CEP72: variants seen among roughly 807,000 people sequenced by gnomAD.
CEP72 encodes the protein centrosomal protein 72.
CEP72 carries 78 observed loss-of-function variants against 65.7 expected under a neutral mutation model. The observed-to-expected ratio is 1.19, with a 90% CI of 0.99 to 1.43. The LOEUF is 1.43. Ranked by LOEUF, CEP72 falls within the 40% of genes most tolerant of loss-of-function variation. The pLI is 0.00. For synonymous variants in CEP72, 358 were observed against 351.7 expected (o/e 1.02, Z -0.20); for missense variants, 914 against 832.9 (o/e 1.10, Z -1.20).
At chr5:620,005 G>A in intron 2 of CEP72, 64 bp from the exon 3 acceptor site, 2 of 1,378,414 alleles carry the variant, frequency 1.5e-6, no homozygotes, top group Middle Eastern at 3.6e-4. Flanking sequence ...TGTGTTGCTG[G>A]CTTATTTCAC....
intron 1 of CEP72, among the ~76,000 whole-genome samples, chr5:618,709 A>T (rs1220996882): frequency 2.0e-5 from 3 of 152,172 alleles, no homozygotes; most frequent in Non-Finnish European, 2.9e-5. Flanking sequence ...ACTGAACAGG[A>T]TTATTGCGAA....
chr5:668,796 C>G (rs1164010399), downstream of CEP72, among the ~76,000 whole-genome samples: 1 of 152,236 alleles, frequency 6.6e-6, no homozygotes, highest in Non-Finnish European at 1.5e-5. Flanking sequence ...TCAGCAGCGG[C>G]CAGACCACAG....
rs55869296 is a variant in CEP72, at chr5:616,838, G to GCA, written c.83-2152_83-2151insCA. The stretch of plus-strand genomic sequence containing the variant: ...TGTATGTGTGTGTGTGTGTGCGCGC[G>GCA]AGTGGGGGTTTGCTTGCAGGAGGGC... On this transcript the variant is annotated intron_variant, in intron 1 of 11. Coordinates refer to ENST00000264935, the MANE Select transcript of CEP72 (RefSeq NM_018140.4). Among the ~76,000 whole-genome samples, 85 of 151,428 alleles carry GCA rather than the reference G, an allele frequency of 5.6e-4. 1 individual carries two copies. The highest frequency in any genetic ancestry group is 1.7e-3 in the African/African-American group (69 of 41,194).
intron 2 of CEP72, among the ~76,000 whole-genome samples, chr5:619,654 C>T (rs1235606876): frequency 6.6e-6 from 1 of 152,238 alleles, no homozygotes; most frequent in Non-Finnish European, 1.5e-5. Flanking sequence ...TGCTCCAAGT[C>T]AGATGCGGAC....
chr5:648,621 CTG>C (rs1170721211), intron 11 of CEP72, among the ~76,000 whole-genome samples: 1 of 97,088 alleles, frequency 1.0e-5, no homozygotes, highest in East Asian at 3.6e-4. Context: ...GAGGCGTGGA[CTG>C]TGAGGCGTGG....
At chr5:644,088 A>G (rs527770001) in intron 9 of CEP72, 49 of 545,698 alleles carry the variant, frequency 9.0e-5, no homozygotes, top group African/African-American at 7.8e-4. Flanking sequence ...CCCTCTCCTC[A>G]CTTCCCCCCT....
chr5:642,886 T>G, intron 9 of CEP72: 1 of 985,474 alleles, frequency 1.0e-6, no homozygotes, highest in Non-Finnish European at 1.2e-6. Context: ...CATCCCTCGG[T>G]CACATGAACC....
chr5:652,376 T>C (rs951033570), intron 11 of CEP72, among the ~76,000 whole-genome samples: 1 of 152,204 alleles, frequency 6.6e-6, no homozygotes. Flanking sequence ...GTGGCTAATG[T>C]GACCGAGGTC....
intron 2 of CEP72, chr5:663,897 C>T (rs1554020751): frequency 6.6e-6 from 1 of 152,452 alleles, no homozygotes; most frequent in Non-Finnish European, 1.5e-5. Context: ...CGGGTGGCCA[C>T]ACCCGTCAGC....
rs762810860 is a variant in CEP72, at chr5:616,795, G to GGTGTGT, written c.83-2180_83-2175dup. 7.1e-4 allele frequency among the ~76,000 whole-genome samples: 99 copies of GGTGTGT among 139,114 alleles called. 1 individual carries two copies. Among genetic ancestry groups the GGTGTGT allele is most frequent in the African/African-American group, 2.5e-3 (91 of 36,444 alleles). 91.3% of individuals were successfully genotyped at this position (139,114 alleles called of 152,430 possible). ...GCTGCGCAAGGCCAGGTGGACGAGG[G>GGTGTGT]GTGTGTGTGTGTGTGTGTGTATGTG... On this transcript the variant is annotated intron_variant, in intron 1 of 11. Transcript: ENST00000264935.
At chr5:638,034 C>T (rs1431182701) in intron 7 of CEP72, among the ~76,000 whole-genome samples, 1 of 152,210 alleles carries the variant, frequency 6.6e-6, no homozygotes, top group Admixed American at 6.5e-5. Context: ...GTGATTACGC[C>T]TACGGCACTG....
downstream of CEP72, chr5:660,685 T>A (rs1014869773): frequency 6.6e-6 from 1 of 152,172 alleles, no homozygotes; most frequent in Admixed American, 6.5e-5. Context: ...TCCTCCCCAC[T>A]CCACTTGTAC....
rs1474264748 is a variant in CEP72, at chr5:612,437, G to C, written c.76G>C (p.Asp26His). 2 of 1,453,344 alleles carry C rather than the reference G, an allele frequency of 1.4e-6. No individual in the cohort carries two copies. The allele number at this position is 1,453,344 out of a possible 1,614,324, so 90.0% of individuals were successfully genotyped here. The change falls in exon 1 of 12, where the codon GAC (aspartate) becomes CAC (histidine). Residue 26 changes from aspartate to histidine, a missense_variant. By Grantham distance (81) the Asp-to-His change is moderately conservative. Transcript: ENST00000264935. ...RAKSGLGPHR[D>H]LAELQSLSIP... ...GAAGAGCGGCTTAGGGCCTCACCGC[G>C]ACCTGGGTGCGCCGGAGGGCGGGCG...
At chr5:648,345 AC>A (rs1738568668) in intron 11 of CEP72, among the ~76,000 whole-genome samples, 1 of 91,026 alleles carries the variant, frequency 1.1e-5, no homozygotes, top group East Asian at 4.3e-4. Flanking sequence ...GTGAGGTGTG[AC>A]TGTGAGGTGT....
At chr5:669,227 G>A (rs546612102), downstream of CEP72, among the ~76,000 whole-genome samples, 7 of 152,162 alleles carry the variant, frequency 4.6e-5, no homozygotes, top group African/African-American at 4.8e-5. Context: ...TTCCAGACCC[G>A]CCGGCCATAG....
At position 624,423 on chromosome 5, in the gene CEP72, C is replaced by T. The variant is rs2292599; in HGVS notation, c.404-48C>T. On this transcript the variant is annotated intron_variant, in intron 3 of 11. Coordinates refer to ENST00000264935, the MANE Select transcript of CEP72 (RefSeq NM_018140.4). This position sits in a 1 kb window ranked among gnomAD's most constrained non-coding sequence, Gnocchi z 4.7. ...GTAGATGCCCCAGGGTGGATGCAGC[C>T]GCCCGCCGCTTGCCACCTGCACAGT... 7.8e-5 allele frequency: 112 copies of T among 1,430,942 alleles called. No homozygotes were observed. In the East Asian group the frequency reaches 2.2e-3, roughly 28 times the overall value. The allele number at this position is 1,430,942 out of a possible 1,614,324, so 88.6% of individuals were successfully genotyped here.
downstream of CEP72, chr5:660,682 C>G (rs1004828234): frequency 3.3e-5 from 5 of 152,308 alleles, no homozygotes; most frequent in African/African-American, 1.2e-4. Context: ...AACTCCTCCC[C>G]ACTCCACTTG....
chr5:634,362 A>G (rs1408345649), intron 5 of CEP72, among the ~76,000 whole-genome samples: 1 of 151,946 alleles, frequency 6.6e-6, no homozygotes, highest in African/African-American at 2.4e-5. Flanking sequence ...TGTCTCGGAG[A>G]CTCCGTTGCC....
At chr5:627,130 C>CT (rs1404778204) in intron 4 of CEP72, among the ~76,000 whole-genome samples, 1 of 152,176 alleles carries the variant, frequency 6.6e-6, no homozygotes, top group Non-Finnish European at 1.5e-5. Flanking sequence ...TGGCCTGGTA[C>CT]TTTCTGTTTT....
Sources: allele counts gnomAD v4.1 joint callset (sites outside exome capture counted in the v4.1 genomes callset), GRCh38; gene constraint gnomAD v4.1.1; non-coding constraint Gnocchi (gnomAD v3.1); transcripts MANE v1.5; gene names NCBI Gene and HGNC (gene_info 2026-07-23, HGNC 2026-07-21).